Variants in EXT2 observed in about 807,000 individuals in gnomAD.
The protein encoded by EXT2 is exostosin-2.
A neutral mutation model predicts 81.6 loss-of-function variants in EXT2; 53 were observed. The observed-to-expected ratio is 0.65, with a 90% CI of 0.52 to 0.82. EXT2 has a LOEUF of 0.82. Among genes scored for constraint, EXT2 ranks in the 40% least tolerant of loss-of-function variants. The probability of loss-of-function intolerance (pLI) is 0.00; values close to 1 mark genes in which losing one functional copy is unlikely to be tolerated. For missense variants in EXT2, 774 were observed against 910.2 expected, an observed-to-expected ratio of 0.85 and a Z score of 1.93; for synonymous variants, 320 against 340.0, an observed-to-expected ratio of 0.94 and a Z score of 0.65.
intron 8 of EXT2, among the ~76,000 whole-genome samples, chr11:44,184,208 C>T (rs1385701523): frequency 3.9e-5 from 6 of 152,204 alleles, no homozygotes; most frequent in Admixed American, 6.5e-5. Context: ...GACTTGGTTA[C>T]GAAGCAGTAA....
At chr11:44,187,019 TTCC>T (rs1380635722) in intron 8 of EXT2, among the ~76,000 whole-genome samples, 2 of 143,572 alleles carry the variant, frequency 1.4e-5, no homozygotes, top group African/African-American at 2.6e-5. Context: ...CCTTCCTTCC[TTCC>T]TTCCTTCCTT....
At chr11:44,236,824 CG>C (rs1955971212) in intron 13 of EXT2, among the ~76,000 whole-genome samples, 1 of 152,148 alleles carries the variant, frequency 6.6e-6, no homozygotes, top group African/African-American at 2.4e-5. Flanking sequence ...AGAACAGGAT[CG>C]AAAGCAAAGC....
chr11:44,241,448 A>G (rs1254223651), intron 13 of EXT2, among the ~76,000 whole-genome samples: 1 of 152,214 alleles, frequency 6.6e-6, no homozygotes, highest in African/African-American at 2.4e-5. Flanking sequence ...ATGTCCATTC[A>G]TAGGTTCAAC....
intron 10 of EXT2, among the ~76,000 whole-genome samples, chr11:44,207,883 A>G (rs1269740898): frequency 2.6e-5 from 4 of 152,160 alleles, no homozygotes; most frequent in Non-Finnish European, 5.9e-5. Context: ...TATCGCCACC[A>G]CTAAAAATTA....
In EXT2 at chr11:44,244,248, T is replaced by C; in HGVS notation, c.2118T>C (p.Pro706=). 6.2e-7 allele frequency: 1 copy of C among 1,614,096 alleles called. No homozygotes were observed. The highest frequency in any genetic ancestry group is 8.5e-7 in the Non-Finnish European group (1 of 1,179,962). The change falls in exon 14 of 14, where the codon CCT becomes CCC. Residue 706 remains proline, a synonymous_variant. Transcript: ENST00000533608. ...ADPVLYKDDF[P]EKLKSFPNIG... ...CTGTCCTGTACAAAGATGACTTTCC[T>C]GAGAAGCTGAAGAGCTTCCCCAACA...
chr11:44,214,005 A>G (rs1379318098), intron 10 of EXT2, among the ~76,000 whole-genome samples: 1 of 152,228 alleles, frequency 6.6e-6, no homozygotes, highest in Non-Finnish European at 1.5e-5. Flanking sequence ...ACTGGTTTAT[A>G]TATCCAAATA....
chr11:44,119,320 C>A (rs986942488), intron 4 of EXT2, among the ~76,000 whole-genome samples: 1 of 151,538 alleles, frequency 6.6e-6, no homozygotes, highest in Non-Finnish European at 1.5e-5. Flanking sequence ...TGACTTATTA[C>A]GGCAAAAGGA....
chr11:44,144,296 A>C (rs1954686057), intron 7 of EXT2: 1 of 1,598,332 alleles, frequency 6.3e-7, no homozygotes, highest in Non-Finnish European at 8.5e-7. Flanking sequence ...GCTAATCACC[A>C]AATGAACTCC....
chr11:44,165,586 G>A (rs928660845), intron 7 of EXT2, among the ~76,000 whole-genome samples: 2 of 152,128 alleles, frequency 1.3e-5, no homozygotes, highest in African/African-American at 4.8e-5. Context: ...TGTCCTGGGT[G>A]GATTTCTTAC....
intron 10 of EXT2, among the ~76,000 whole-genome samples, chr11:44,231,883 C>G (rs190348691): frequency 6.6e-6 from 1 of 152,204 alleles, no homozygotes; most frequent in East Asian, 1.9e-4. Context: ...TCCAGTAGGT[C>G]ATAAGAATGG....
chr11:44,110,939 G>C (rs1376605951), intron 3 of EXT2, among the ~76,000 whole-genome samples: 1 of 152,176 alleles, frequency 6.6e-6, no homozygotes, highest in African/African-American at 2.4e-5. Flanking sequence ...TGGCCTTCTT[G>C]TTGGGGTAAG....
chr11:44,173,781 G>A (rs1026662642), intron 8 of EXT2, among the ~76,000 whole-genome samples: 1 of 151,806 alleles, frequency 6.6e-6, no homozygotes, highest in Non-Finnish European at 1.5e-5. Flanking sequence ...TGTTAGCCAG[G>A]ATGGTCTCAT....
rs60685393 is a variant in EXT2, at chr11:44,239,729, TTTA to T, written c.2018+3361_2018+3363del. 2.0e-3 allele frequency among the ~76,000 whole-genome samples: 295 copies of T among 147,550 alleles called. 1 individual carries two copies. Among genetic ancestry groups the T allele is most frequent in the African/African-American group, 7.3e-3 (289 of 39,342 alleles). On this transcript the variant is annotated intron_variant, in intron 13 of 13. Transcript: ENST00000533608. ...TTTTTTTTTTTTGGAAGACCAGAGTTTTATTATTACTCAAATCAGTCTCTGTAT... is the reference window on the plus strand; with the variant it reads ...TTTTTTTTTTTTGGAAGACCAGAGTTTTATTACTCAAATCAGTCTCTGTAT...
chr11:44,145,626 ATTATTC>A (rs1457753567), intron 7 of EXT2, among the ~76,000 whole-genome samples: 1 of 152,162 alleles, frequency 6.6e-6, no homozygotes, highest in Admixed American at 6.5e-5. Flanking sequence ...TGAGGTAGCT[ATTATTC>A]TTATTTTTAT....
chr11:44,228,863 T>C (rs1955866381), intron 10 of EXT2, among the ~76,000 whole-genome samples: 2 of 152,194 alleles, frequency 1.3e-5, no homozygotes, highest in South Asian at 4.1e-4. Flanking sequence ...AATGTAATTA[T>C]TATGGCTGCA....
chr11:44,212,039 A>AGG (rs1955654032), intron 10 of EXT2, among the ~76,000 whole-genome samples: 1 of 152,138 alleles, frequency 6.6e-6, no homozygotes, highest in Non-Finnish European at 1.5e-5. Flanking sequence ...TAATCCCAGC[A>AGG]CTTTGGGAGG....
chr11:44,232,340 T>C lies in EXT2; in HGVS notation c.1663-13T>C. On this transcript the variant is annotated splice_polypyrimidine_tract_variant and intron_variant, in intron 10 of 13. Transcript: ENST00000533608. ...GAATTGGGACTTGATTGTTATTATG[T>C]GTCTGTCCTTAGGTCTGGCGGGAAT... The C allele has an allele frequency of 6.2e-7, 1 of 1,613,698 alleles. No individual in the cohort carries two copies. The highest frequency in any genetic ancestry group is 8.5e-7 in the Non-Finnish European group (1 of 1,179,858).
intron 8 of EXT2, among the ~76,000 whole-genome samples, chr11:44,185,137 G>A (rs1269212680): frequency 6.6e-6 from 1 of 152,154 alleles, no homozygotes; most frequent in Non-Finnish European, 1.5e-5. Context: ...CTGGTTTAAT[G>A]TACAAGTCTC....
At position 44,236,382 on chromosome 11, in the gene EXT2, G is replaced by A; in HGVS notation, c.2018+7G>A. 2 of 1,613,538 alleles carry A rather than the reference G, an allele frequency of 1.2e-6. No individual in the cohort carries two copies. Among genetic ancestry groups the A allele is most frequent in the African/African-American group, 1.3e-5 (1 of 75,014 alleles). On this transcript the variant is annotated splice_region_variant and intron_variant, in intron 13 of 13. Coordinates refer to ENST00000533608, the MANE Select transcript of EXT2 (RefSeq NM_207122.2). ...AAACACACATGGTGGAGAGGTAAGT[G>A]AGCCTCCAACCAAAAGTGCGCCTTA...
Sources: allele counts gnomAD v4.1 joint callset (sites outside exome capture counted in the v4.1 genomes callset), GRCh38; gene constraint gnomAD v4.1.1; transcripts MANE v1.5; gene names NCBI Gene and HGNC (gene_info 2026-07-23, HGNC 2026-07-21).